The following SCML2 variants were observed in gnomAD, a reference collection of about 807,000 sequenced individuals.
The protein encoded by SCML2 is sex comb on midleg-like protein 2.
In SCML2, 6 loss-of-function variants were observed where a neutral mutation model predicts 48.4. The ratio of observed to expected loss-of-function variants is 0.12; its 90% CI spans 0.07 to 0.24. The LOEUF is 0.24. SCML2 is among the 10% of genes least tolerant of loss of function. SCML2 has a pLI of 1.00. For missense variants in SCML2, 377 were observed against 528.2 expected, an observed-to-expected ratio of 0.71 and a Z score of 2.81; for synonymous variants, 181 against 189.5, an observed-to-expected ratio of 0.95 and a Z score of 0.37.
intron 6 of SCML2, among the ~76,000 whole-genome samples, chrX:18,312,978 CGT>C (rs72406000): frequency 0.29 from 27,732 of 94,554 alleles, 3,342 homozygotes; most frequent in Non-Finnish European, 0.37. Flanking sequence ...AATGGGTGTG[CGT>C]GTGTGTGTGT....
chrX:18,326,180 C>T (rs750297375), intron 3 of SCML2, among the ~76,000 whole-genome samples: 8 of 112,392 alleles, frequency 7.1e-5, no homozygotes, highest in Non-Finnish European at 1.5e-4. Context: ...ACCACCATTA[C>T]ATATGTGTGT....
At chrX:18,347,300 CCGGGTGT>C (rs1930227939) in intron 1 of SCML2, among the ~76,000 whole-genome samples, 1 of 107,920 alleles carries the variant, frequency 9.3e-6, no homozygotes, top group Non-Finnish European at 1.9e-5. Flanking sequence ...CAAAAATTAG[CCGGGTGT>C]GGTGGCGGGC....
At chrX:18,321,477 G>A (rs1740813388) in intron 5 of SCML2, among the ~76,000 whole-genome samples, 1 of 109,322 alleles carries the variant, frequency 9.1e-6, no homozygotes, top group Non-Finnish European at 1.9e-5. Flanking sequence ...TTGGCAATGG[G>A]TGCAGGTTTT....
intron 1 of SCML2, among the ~76,000 whole-genome samples, chrX:18,352,802 C>T (rs1223773848): frequency 8.9e-6 from 1 of 111,855 alleles, no homozygotes. Context: ...ATGACACTAT[C>T]AACTTTAAAG....
intron 7 of SCML2, among the ~76,000 whole-genome samples, chrX:18,301,131 C>T (rs1471046712): frequency 3.6e-5 from 4 of 112,062 alleles, no homozygotes; most frequent in Admixed American, 9.4e-5. Context: ...GGCAAGGTGG[C>T]TCACACCTGT....
intron 3 of SCML2, 91 bp downstream of exon 3, chrX:18,330,496 A>T: frequency 2.0e-6 from 1 of 496,230 alleles, no homozygotes; most frequent in Non-Finnish European, 3.3e-6. Context: ...TACAATAAGA[A>T]ATCAAAACAA....
intron 13 of SCML2, among the ~76,000 whole-genome samples, chrX:18,244,373 GTCA>G (rs1469437705): frequency 2.2e-4 from 25 of 111,762 alleles, no homozygotes; most frequent in Non-Finnish European, 4.1e-4. Context: ...TCTGGTTTCT[GTCA>G]TCATAATCTG....
In SCML2 at chrX:18,324,097, T is replaced by C; in HGVS notation, c.163-4A>G. ...CATTCACAGGTGGAATCTGAGACTA[T>C]ATATATAAATAAAATTTGGTTAAAA... is the stretch of plus-strand genomic sequence containing the variant. On this transcript the variant is annotated splice_polypyrimidine_tract_variant and splice_region_variant and intron_variant, in intron 4 of 14. Coordinates refer to ENST00000251900, the MANE Select transcript of SCML2 (RefSeq NM_006089.3). 1 of 1,135,772 alleles carries C rather than the reference T, an allele frequency of 8.8e-7. No homozygotes were observed. Among genetic ancestry groups the C allele is most frequent in the Non-Finnish European group, 1.2e-6 (1 of 837,330 alleles). The allele number at this position is 1,135,772 out of a possible 1,213,427, so 93.6% of individuals were successfully genotyped here.
chrX:18,241,783 A>T (rs930763177), intron 14 of SCML2, among the ~76,000 whole-genome samples: 1 of 112,178 alleles, frequency 8.9e-6, no homozygotes, highest in Non-Finnish European at 1.9e-5. Flanking sequence ...TGTGCTATAC[A>T]GTGTTGTCAT....
chrX:18,243,187 C>T (rs1412072724), intron 13 of SCML2, among the ~76,000 whole-genome samples: 2 of 111,346 alleles, frequency 1.8e-5, no homozygotes, highest in Non-Finnish European at 3.8e-5. Context: ...GATCCTCCCA[C>T]CTTGCCTCCC....
At chrX:18,289,533 C>G (rs1193642348) in intron 7 of SCML2, among the ~76,000 whole-genome samples, 1 of 111,737 alleles carries the variant, frequency 8.9e-6, no homozygotes, top group Non-Finnish European at 1.9e-5. Flanking sequence ...CAAAAATCTA[C>G]GTAAATACTC....
At chrX:18,303,448 A>T (rs1928658539) in intron 7 of SCML2, among the ~76,000 whole-genome samples, 1 of 111,523 alleles carries the variant, frequency 9.0e-6, no homozygotes, top group South Asian at 3.8e-4. Context: ...CTGCCTGGCA[A>T]ACTCCTGCTT....
At chrX:18,334,352 G>A (rs1028394105) in intron 1 of SCML2, among the ~76,000 whole-genome samples, 2 of 111,971 alleles carry the variant, frequency 1.8e-5, no homozygotes. Flanking sequence ...ATGGTTATAC[G>A]CCTTGTTGTG....
intron 7 of SCML2, among the ~76,000 whole-genome samples, chrX:18,300,776 G>A (rs1319032501): frequency 1.9e-5 from 2 of 105,307 alleles, no homozygotes; most frequent in African/African-American, 3.5e-5. Flanking sequence ...GGGCAATGGA[G>A]CAAGACTCCG....
intron 1 of SCML2, among the ~76,000 whole-genome samples, chrX:18,341,629 T>C (rs1930016023): frequency 9.0e-6 from 1 of 111,415 alleles, no homozygotes; most frequent in Non-Finnish European, 1.9e-5. Flanking sequence ...AAAAATTTAG[T>C]AATTCCCTCT....
chrX:18,326,431 C>T (rs1929482284), intron 3 of SCML2, among the ~76,000 whole-genome samples: 2 of 110,702 alleles, frequency 1.8e-5, no homozygotes, highest in African/African-American at 6.6e-5. Context: ...GTAATCCCAG[C>T]ACTTTGGGAG....
intron 8 of SCML2, among the ~76,000 whole-genome samples, chrX:18,260,842 A>G (rs1294072091): frequency 9.1e-6 from 1 of 109,551 alleles, no homozygotes; most frequent in Non-Finnish European, 1.9e-5. Context: ...AATTATGCCT[A>G]CTGCCTATAA....
chrX:18,331,222 T>C (rs1020233902), intron 2 of SCML2, among the ~76,000 whole-genome samples: 13 of 83,178 alleles, frequency 1.6e-4, no homozygotes, highest in African/African-American at 6.3e-4. Flanking sequence ...ATCGTGCCAT[T>C]GCACTCCAGC....
At chrX:18,262,321 T>TTGGATC (rs1927095309) in intron 8 of SCML2, among the ~76,000 whole-genome samples, 1 of 105,749 alleles carries the variant, frequency 9.5e-6, no homozygotes, top group Non-Finnish European at 1.9e-5. Flanking sequence ...ACCAGTATGT[T>TTGGATC]TGGATCTGGG....
Sources: allele counts gnomAD v4.1 joint callset (sites outside exome capture counted in the v4.1 genomes callset), GRCh38; gene constraint gnomAD v4.1.1; transcripts MANE v1.5; gene names NCBI Gene and HGNC (gene_info 2026-07-23, HGNC 2026-07-21).